ZHX3: variants seen among roughly 807,000 people sequenced by gnomAD.
The protein encoded by ZHX3 is zinc fingers and homeoboxes 3, also known as zinc fingers and homeoboxes protein 3.
Under a neutral mutation model 64.5 loss-of-function variants are expected in ZHX3, and 20 were observed. The ratio of observed to expected loss-of-function variants is 0.31; its 90% CI spans 0.22 to 0.45. The LOEUF (loss-of-function observed/expected upper bound fraction) is 0.45. ZHX3 is among the 20% of genes least tolerant of loss of function. The pLI is 1.00. For missense variants in ZHX3, 1,041 were observed against 1,195.8 expected (o/e 0.87, Z 1.91); for synonymous variants, 423 against 461.6 (o/e 0.92, Z 1.07).
In ZHX3 at chr20:41,317,611, AGGC is replaced by A. The variant is rs906661657; in HGVS notation, c.-350_-348del. The A allele has an allele frequency of 2.7e-5, 4 of 147,768 alleles. No individual in the cohort carries two copies. The highest frequency in any genetic ancestry group is 4.5e-5 in the Non-Finnish European group (3 of 66,452). 9.2% of individuals were successfully genotyped at this position (147,768 alleles called of 1,614,324 possible). ...CGGGCGGCCGGCGCAGGCCCCGCAG[AGGC>A]GGCGGCGGCGGCGACGCCGGAGCCG... On this transcript the variant is annotated 5_prime_UTR_variant, in exon 1 of 4. Transcript: ENST00000683867.
chr20:41,311,877 T>C (rs2045147440), intron 1 of ZHX3, among the ~76,000 whole-genome samples: 1 of 152,204 alleles, frequency 6.6e-6, no homozygotes, highest in African/African-American at 2.4e-5. Context: ...GCTATTAAAA[T>C]AACTATTCAA....
At chr20:41,249,900 T>C (rs1376346238) in intron 2 of ZHX3, among the ~76,000 whole-genome samples, 2 of 152,088 alleles carry the variant, frequency 1.3e-5, no homozygotes, top group Admixed American at 1.3e-4. Context: ...TAGAAGAAGG[T>C]GGCCGAGGGT....
intron 1 of ZHX3, among the ~76,000 whole-genome samples, chr20:41,275,793 T>C (rs978671141): frequency 5.9e-5 from 9 of 152,234 alleles, no homozygotes; most frequent in African/African-American, 2.2e-4. Context: ...CTTCTAAAAG[T>C]GTCTTCAACA....
intron 2 of ZHX3, among the ~76,000 whole-genome samples, chr20:41,218,934 T>G (rs1035473378): frequency 2.0e-4 from 29 of 145,542 alleles, no homozygotes; most frequent in African/African-American, 4.1e-4. Context: ...TTTTTTTTTT[T>G]TTTTTTTTTT....
chr20:41,313,684 G>A (rs374998235), intron 1 of ZHX3, among the ~76,000 whole-genome samples: 2 of 134,436 alleles, frequency 1.5e-5, no homozygotes, highest in African/African-American at 5.6e-5. Context: ...TGCAGGCTCC[G>A]CCTCCTGGGT....
At chr20:41,193,210 T>G (rs2037194233) in intron 3 of ZHX3, among the ~76,000 whole-genome samples, 1 of 152,244 alleles carries the variant, frequency 6.6e-6, no homozygotes, top group Non-Finnish European at 1.5e-5. Context: ...AAAATGCGAC[T>G]ATGCTTTTGA....
chr20:41,291,465 C>T (rs887474877), intron 1 of ZHX3, among the ~76,000 whole-genome samples: 11 of 152,048 alleles, frequency 7.2e-5, no homozygotes, highest in African/African-American at 1.2e-4. Context: ...CTAACGAAGA[C>T]GCAGTAATTA....
intron 3 of ZHX3, among the ~76,000 whole-genome samples, chr20:41,187,494 T>C (rs976737444): frequency 6.6e-6 from 1 of 152,212 alleles, no homozygotes; most frequent in African/African-American, 2.4e-5. Flanking sequence ...CTTTTGCATG[T>C]ATATATCCAG....
At chr20:41,262,903 T>C (rs955576381) in intron 2 of ZHX3, among the ~76,000 whole-genome samples, 8 of 152,206 alleles carry the variant, frequency 5.3e-5, no homozygotes. Flanking sequence ...TTTCCTTATA[T>C]GGAAGAAAAG....
intron 2 of ZHX3, among the ~76,000 whole-genome samples, chr20:41,250,599 G>A (rs552014750): frequency 4.3e-4 from 65 of 152,246 alleles, no homozygotes; most frequent in Admixed American, 7.2e-4. Context: ...AGTCACAGGA[G>A]AGAATAAAAA....
intron 1 of ZHX3, among the ~76,000 whole-genome samples, chr20:41,291,558 A>T (rs554453189): frequency 6.9e-4 from 104 of 150,474 alleles, no homozygotes; most frequent in African/African-American, 2.3e-3. Flanking sequence ...TGGTTACATA[A>T]ATAAAAGATT....
rs1052584412 is a variant in ZHX3, at chr20:41,224,638, G to C, written c.-150-19572C>G. Among the ~76,000 whole-genome samples, 2 of 152,198 alleles carry C rather than the reference G, an allele frequency of 1.3e-5. No homozygotes were observed. ...ACTTTGAGGTGAAGTGACCCAGTGG[G>C]ACAAGGAAACACTGCTAGAATTAAG... On this transcript the variant is annotated intron_variant, in intron 2 of 3. Transcript: ENST00000683867. The surrounding 1 kb of genome is among the most constrained non-coding windows in gnomAD (Gnocchi z 5.2).
At chr20:41,250,183 A>G (rs2041922106) in intron 2 of ZHX3, among the ~76,000 whole-genome samples, 1 of 152,138 alleles carries the variant, frequency 6.6e-6, no homozygotes, top group Non-Finnish European at 1.5e-5. Context: ...ACCAACAGGG[A>G]CTAGTGGGAG....
In ZHX3 at chr20:41,203,582, G is replaced by A. The variant is rs1467083682; in HGVS notation, c.1335C>T (p.Leu445=). 2 of 1,614,242 alleles carry A rather than the reference G, an allele frequency of 1.2e-6. No homozygotes were observed. Among genetic ancestry groups the A allele is most frequent in the African/African-American group, 1.3e-5 (1 of 75,060 alleles). Residue 445 remains leucine, a synonymous_variant, in exon 3 of 4, where the codon CTC becomes CTT. Coordinates refer to ENST00000683867, the MANE Select transcript of ZHX3 (RefSeq NM_001384317.1). This position sits in a 1 kb window ranked among gnomAD's most constrained non-coding sequence, Gnocchi z 7.1. ...GCTGCTTGGGGACGGATGTCACCGT[G>A]AGGGGGAGAGGGGAACTTGTTGCTT... ...GLQATSSPLP[L]TVTSVPKQPG... is the part of the protein sequence containing the mutation.
At chr20:41,270,004 C>T (rs940712717) in intron 1 of ZHX3, among the ~76,000 whole-genome samples, 2 of 152,066 alleles carry the variant, frequency 1.3e-5, no homozygotes, top group African/African-American at 2.4e-5. Context: ...TCTTTAAATA[C>T]ATTAATCCAA....
chr20:41,192,382 G>A (rs1199607635), intron 3 of ZHX3, among the ~76,000 whole-genome samples: 1 of 152,204 alleles, frequency 6.6e-6, no homozygotes, highest in Admixed American at 6.5e-5. Flanking sequence ...CAACCAAGGT[G>A]GGCAGGTGCA....
Position 41,201,214 on chromosome 20 carries a change from G to T in ZHX3, c.2860+843C>A. ...TACCCCCTCCCACATTGCCAACTCA[G>T]CTAGCAATGCTGCCATTTTGGAACC... On this transcript the variant is annotated intron_variant, in intron 3 of 3. Transcript: ENST00000683867. This position sits in a 1 kb window ranked among gnomAD's most constrained non-coding sequence, Gnocchi z 5.0. The T allele has an allele frequency of 9.2e-7, 1 of 1,088,678 alleles. No individual in the cohort carries two copies. The highest frequency in any genetic ancestry group is 1.2e-6 in the Non-Finnish European group (1 of 829,028). The allele number at this position is 1,088,678 out of a possible 1,614,324, so 67.4% of individuals were successfully genotyped here.
chr20:41,196,007 A>G (rs1014118732), intron 3 of ZHX3, among the ~76,000 whole-genome samples: 6 of 151,924 alleles, frequency 3.9e-5, no homozygotes, highest in Admixed American at 2.0e-4. Context: ...ATGGCTTAAC[A>G]TACGGTTTAT....
intron 3 of ZHX3, among the ~76,000 whole-genome samples, chr20:41,196,393 T>TATATAACA (rs2037519687): frequency 2.3e-5 from 1 of 42,746 alleles, no homozygotes; most frequent in African/African-American, 1.7e-4. Context: ...AAATATATAT[T>TATATAACA]TATATATATT....
Sources: allele counts gnomAD v4.1 joint callset (sites outside exome capture counted in the v4.1 genomes callset), GRCh38; gene constraint gnomAD v4.1.1; non-coding constraint Gnocchi (gnomAD v3.1); transcripts MANE v1.5; gene names NCBI Gene and HGNC (gene_info 2026-07-23, HGNC 2026-07-21).